The following MARCHF7 variants were observed in gnomAD, a reference collection of about 807,000 sequenced individuals.
MARCHF7 encodes the protein E3 ubiquitin-protein ligase MARCHF7.
Under a neutral mutation model 76.5 loss-of-function variants are expected in MARCHF7, and 20 were observed. The ratio of observed to expected loss-of-function variants is 0.26; its 90% CI spans 0.18 to 0.38. MARCHF7 has a LOEUF of 0.38. Among genes scored for constraint, MARCHF7 ranks in the 10% least tolerant of loss-of-function variants. MARCHF7 has a pLI of 1.00. For missense variants in MARCHF7, 797 were observed against 812.9 expected, an observed-to-expected ratio of 0.98 and a Z score of 0.24; for synonymous variants, 295 against 293.0, an observed-to-expected ratio of 1.01 and a Z score of -0.07.
Position 159,762,797 on chromosome 2 carries a change from G to A in MARCHF7, c.1894-83G>A, listed in dbSNP as rs1707272447. 4 of 706,810 alleles carry A rather than the reference G, an allele frequency of 5.7e-6. No individual in the cohort carries two copies. In the African/African-American group the frequency reaches 7.2e-5, roughly 13 times the overall value. The allele number at this position is 706,810 out of a possible 1,614,324, so 43.8% of individuals were successfully genotyped here. On this transcript the variant is annotated intron_variant, in intron 9 of 11. Coordinates refer to ENST00000409175, the MANE Select transcript of MARCHF7 (RefSeq NM_001282805.2). Reference sequence around the variant, plus strand: ...TGAATACATTTCCTCTAGTTTATCAGTGTACTGTGAGTATCAATCTCAATT... The same window carrying A: ...TGAATACATTTCCTCTAGTTTATCAATGTACTGTGAGTATCAATCTCAATT...
chr2:159,747,786 A>G lies in MARCHF7; in HGVS notation c.515-19A>G. On this transcript the variant is annotated intron_variant, in intron 6 of 11. Transcript: ENST00000409175. ...CTCAAATTATTTCATGTAATTGGTT[A>G]TCTTCCTTTCAAAAATAGATGTTCA... 6.5e-7 allele frequency: 1 copy of G among 1,542,758 alleles called. No homozygotes were observed. Among genetic ancestry groups the G allele is most frequent in the Non-Finnish European group, 8.7e-7 (1 of 1,150,482 alleles).
chr2:159,733,054 TTTATTTAGTTATAA>T lies in MARCHF7; in HGVS notation c.153+3887_153+3900del, dbSNP rs1703010634. ...ATTATAATTATTTATAATTGTTATT[TTTATTTAGTTATAA>T]TTATTTATAATTGTTAACTTTTACT... is the stretch of plus-strand genomic sequence containing the variant. On this transcript the variant is annotated intron_variant, in intron 4 of 11. Transcript: ENST00000409175. 5 of 601,876 alleles carry T rather than the reference TTTATTTAGTTATAA, an allele frequency of 8.3e-6. No individual in the cohort carries two copies. The South Asian group carries it at 3.1e-4, about 38-fold the overall frequency. The allele number at this position is 601,876 out of a possible 1,614,324, so 37.3% of individuals were successfully genotyped here.
chr2:159,759,624 G>A (rs1706766005), intron 9 of MARCHF7, among the ~76,000 whole-genome samples: 1 of 151,990 alleles, frequency 6.6e-6, no homozygotes, highest in Non-Finnish European at 1.5e-5. Flanking sequence ...TTAGAATGAA[G>A]AGCTCAATAA....
At chr2:159,724,722 G>A (rs959214388) in intron 3 of MARCHF7, among the ~76,000 whole-genome samples, 1 of 152,018 alleles carries the variant, frequency 6.6e-6, no homozygotes, top group East Asian at 1.9e-4. Flanking sequence ...TAGGGTACAC[G>A]TGCACAACAT....
intron 1 of MARCHF7, among the ~76,000 whole-genome samples, chr2:159,713,432 ATGT>A (rs1261933905): frequency 2.0e-5 from 3 of 152,176 alleles, no homozygotes; most frequent in Admixed American, 2.0e-4. Flanking sequence ...GTCACGACTA[ATGT>A]TGTTTGTTAC....
At chr2:159,759,087 T>C (rs1412845513) in intron 8 of MARCHF7, 139 bp from the exon 9 acceptor site, 3 of 571,592 alleles carry the variant, frequency 5.2e-6, no homozygotes, top group Non-Finnish European at 9.3e-6. Context: ...ATTACTGGTT[T>C]ACTGCAGAAA....
rs149540782 is a variant in MARCHF7 at position 159,760,037 on chromosome 2, C to T, written c.1893+702C>T. ...AAACATAAAAACCATTTTGTGCAGC[C>T]GCCATCTCTGTTTAGTTCCAAAACA... On this transcript the variant is annotated intron_variant, in intron 9 of 11. Coordinates refer to ENST00000409175, the MANE Select transcript of MARCHF7 (RefSeq NM_001282805.2). 3.8e-3 allele frequency among the ~76,000 whole-genome samples: 580 copies of T among 152,218 alleles called. 1 individual carries two copies. The highest frequency in any genetic ancestry group is 5.9e-3 in the Non-Finnish European group (403 of 67,994).
chr2:159,734,088 C>A lies in MARCHF7; in HGVS notation c.153+4913C>A, dbSNP rs878868330. 3.0e-6 allele frequency: 4 copies of A among 1,321,766 alleles called. No individual in the cohort carries two copies. In the African/African-American group the frequency reaches 5.9e-5, roughly 19 times the overall value. The allele number at this position is 1,321,766 out of a possible 1,614,324, so 81.9% of individuals were successfully genotyped here. A position where few individuals can be genotyped will look rare whatever the true frequency, so the allele number is the denominator to read the frequency against. ...ATCTTATGTCTTTAGTAACAGTAAGCAAAATTTACATGTTTTTAAAGGAAA... is the reference window on the plus strand; with the variant it reads ...ATCTTATGTCTTTAGTAACAGTAAGAAAAATTTACATGTTTTTAAAGGAAA... On this transcript the variant is annotated intron_variant, in intron 4 of 11. Coordinates refer to ENST00000409175, the MANE Select transcript of MARCHF7 (RefSeq NM_001282805.2).
At chr2:159,728,457 A>C (rs1702415002) in intron 3 of MARCHF7, among the ~76,000 whole-genome samples, 1 of 152,228 alleles carries the variant, frequency 6.6e-6, no homozygotes, top group Non-Finnish European at 1.5e-5. Context: ...GAGATGGGGA[A>C]ATAGAAAGGT....
intron 4 of MARCHF7, among the ~76,000 whole-genome samples, chr2:159,732,145 C>G (rs1574271148): frequency 6.6e-6 from 1 of 152,132 alleles, no homozygotes; most frequent in Admixed American, 6.5e-5. Flanking sequence ...ATTTAAATGT[C>G]ATGTTAATGA....
chr2:159,753,629 T>A (rs1705937477), intron 8 of MARCHF7, among the ~76,000 whole-genome samples: 1 of 152,084 alleles, frequency 6.6e-6, no homozygotes, highest in Non-Finnish European at 1.5e-5. Context: ...AATCTTGGAT[T>A]TAAATATGAT....
chr2:159,716,379 G>A (rs1416631862), intron 3 of MARCHF7, among the ~76,000 whole-genome samples: 1 of 152,000 alleles, frequency 6.6e-6, no homozygotes, highest in Admixed American at 6.6e-5. Flanking sequence ...GGGCATGGTG[G>A]CTCACTCCTG....
intron 4 of MARCHF7, among the ~76,000 whole-genome samples, chr2:159,738,230 A>C (rs1703696523): frequency 6.6e-6 from 1 of 152,166 alleles, no homozygotes; most frequent in Middle Eastern, 3.2e-3. Flanking sequence ...ACGCAGTGGC[A>C]CCCAAAAGCT....
At chr2:159,750,655 A>C (rs148955912) in intron 7 of MARCHF7, among the ~76,000 whole-genome samples, 1 of 152,326 alleles carries the variant, frequency 6.6e-6, no homozygotes, top group Non-Finnish European at 1.5e-5. Context: ...AAAAACAGAG[A>C]TCTTAGTCCC....
At chr2:159,743,344 A>T (rs1282776915) in intron 5 of MARCHF7, 91 bp downstream of exon 5, 8 of 1,195,892 alleles carry the variant, frequency 6.7e-6, no homozygotes, top group Non-Finnish European at 9.4e-6. Context: ...AGTAGATTTT[A>T]TATGAAGACA....
chr2:159,728,363 A>T (rs929587722), intron 3 of MARCHF7, among the ~76,000 whole-genome samples: 1 of 152,226 alleles, frequency 6.6e-6, no homozygotes, highest in Non-Finnish European at 1.5e-5. Flanking sequence ...ATTCATTCTT[A>T]CTTGTGTTTA....
Position 159,762,444 on chromosome 2 carries a change from T to C in MARCHF7, c.1894-436T>C, listed in dbSNP as rs116600358. On this transcript the variant is annotated intron_variant, in intron 9 of 11. Coordinates refer to ENST00000409175, the MANE Select transcript of MARCHF7 (RefSeq NM_001282805.2). The stretch of plus-strand genomic sequence containing the variant: ...CTTTATTAATTCATTCTTTTATTTA[T>C]GCCTTTATGTTCATCATATTACACA... 8.9e-3 allele frequency among the ~76,000 whole-genome samples: 1,358 copies of C among 152,362 alleles called. 23 individuals carry two copies. The highest frequency in any genetic ancestry group is 0.031 in the African/African-American group (1,278 of 41,594).
rs150830572 is a variant in MARCHF7, at chr2:159,755,339, T to C, written c.1783+2768T>C. 3.6e-3 allele frequency among the ~76,000 whole-genome samples: 548 copies of C among 152,102 alleles called. 4 individuals are homozygous for C. The highest frequency in any genetic ancestry group is 0.019 in the South Asian group (90 of 4,810). Reference sequence around the variant, plus strand: ...AAGGGTAATATTGGAAGCAAAGATATTGAGAAAGTTATAATCCAGTGGGTC... The same window carrying C: ...AAGGGTAATATTGGAAGCAAAGATACTGAGAAAGTTATAATCCAGTGGGTC... On this transcript the variant is annotated intron_variant, in intron 8 of 11. Transcript: ENST00000409175.
At chr2:159,766,457 C>T (rs148528900) in intron 11 of MARCHF7, among the ~76,000 whole-genome samples, 24 of 152,234 alleles carry the variant, frequency 1.6e-4, no homozygotes, top group African/African-American at 5.5e-4. Context: ...GGGCATTAAA[C>T]CGTTTTGCCC....
Sources: allele counts gnomAD v4.1 joint callset (sites outside exome capture counted in the v4.1 genomes callset), GRCh38; gene constraint gnomAD v4.1.1; transcripts MANE v1.5; gene names NCBI Gene and HGNC (gene_info 2026-07-23, HGNC 2026-07-21).